Variants in HMCN1 observed in about 807,000 individuals in gnomAD.
HMCN1 encodes hemicentin-1.
A neutral mutation model predicts 625.9 loss-of-function variants in HMCN1; 321 were observed. The ratio of observed to expected loss-of-function variants is 0.51; its 90% CI spans 0.47 to 0.56. HMCN1 has a LOEUF of 0.56. Among genes scored for constraint, HMCN1 ranks in the 20% least tolerant of loss-of-function variants. The probability of loss-of-function intolerance (pLI) is 0.00; values close to 1 mark genes in which losing one functional copy is unlikely to be tolerated. For missense variants in HMCN1, 6,588 were observed against 6,887.3 expected, an observed-to-expected ratio of 0.96 and a Z score of 1.54; for synonymous variants, 2,425 against 2,417.6, an observed-to-expected ratio of 1.00 and a Z score of -0.09.
intron 1 of HMCN1, among the ~76,000 whole-genome samples, chr1:185,772,640 C>T (rs947137927): frequency 2.0e-5 from 3 of 152,116 alleles, no homozygotes; most frequent in Admixed American, 6.6e-5. Flanking sequence ...GTAGTGGTAA[C>T]TACTGATTGC....
chr1:185,770,835 C>T (rs907431715), intron 1 of HMCN1, among the ~76,000 whole-genome samples: 1 of 152,158 alleles, frequency 6.6e-6, no homozygotes, highest in Non-Finnish European at 1.5e-5. Context: ...CATTTAAGTG[C>T]AGGGCCTTAT....
intron 1 of HMCN1, among the ~76,000 whole-genome samples, chr1:185,795,077 G>C (rs1268816988): frequency 1.3e-5 from 2 of 152,178 alleles, no homozygotes; most frequent in Admixed American, 1.3e-4. Context: ...TTAAGAAGAA[G>C]TAAGAGTACC....
At chr1:185,784,403 C>G (rs1657404834) in intron 1 of HMCN1, among the ~76,000 whole-genome samples, 1 of 152,202 alleles carries the variant, frequency 6.6e-6, no homozygotes, top group Non-Finnish European at 1.5e-5. Context: ...AACCTGGTAC[C>G]TCCAGTTGGA....
At chr1:185,791,540 T>A (rs1657996397) in intron 1 of HMCN1, among the ~76,000 whole-genome samples, 1 of 151,790 alleles carries the variant, frequency 6.6e-6, no homozygotes, top group African/African-American at 2.4e-5. Context: ...ACCAACATGG[T>A]GAAATCCTGT....
At chr1:185,894,150 AAAAAC>A (rs1665332701) in intron 4 of HMCN1, among the ~76,000 whole-genome samples, 1 of 151,094 alleles carries the variant, frequency 6.6e-6, no homozygotes, top group African/African-American at 2.5e-5. Context: ...AAACAAAAAC[AAAAAC>A]AAAAAAAACA....
At position 186,153,952 on chromosome 1, in the gene HMCN1, C is replaced by A. The variant is rs751971934; in HGVS notation, c.15221C>A (p.Thr5074Lys). The change falls in exon 97 of 107, where the codon ACA becomes AAA. Residue 5074 changes from threonine (T) to lysine (K), a missense_variant. This residue lies in a region of HMCN1 where 1,954 missense variants were observed against 2,013.1 expected (regional missense o/e 0.97). Coordinates refer to ENST00000271588, the MANE Select transcript of HMCN1 (RefSeq NM_031935.3). ...VESDYNQIEE[T>K]LGFKIHASIS... ...TCTGACTATAACCAGATAGAAGAGA[C>A]ACTGGGTTTTAAAATTCATGCTTCA... is the stretch of plus-strand genomic sequence containing the variant. 1.2e-6 allele frequency: 2 copies of A among 1,613,770 alleles called. No homozygotes were observed. Among genetic ancestry groups the A allele is most frequent in the African/African-American group, 2.7e-5 (2 of 74,922 alleles).
chr1:185,771,096 C>T (rs769458337), intron 1 of HMCN1, among the ~76,000 whole-genome samples: 6 of 152,100 alleles, frequency 3.9e-5, no homozygotes, highest in East Asian at 3.8e-4. Context: ...TAGGATTTAG[C>T]GATGTGTTAT....
chr1:185,736,415 A>G (rs1455761489), intron 1 of HMCN1, among the ~76,000 whole-genome samples: 2 of 152,178 alleles, frequency 1.3e-5, no homozygotes, highest in African/African-American at 2.4e-5. Flanking sequence ...GTGATTTTCA[A>G]TGTATTAAAT....
At chr1:185,859,348 C>T (rs1662724076) in intron 2 of HMCN1, among the ~76,000 whole-genome samples, 1 of 152,034 alleles carries the variant, frequency 6.6e-6, no homozygotes, top group African/African-American at 2.4e-5. Flanking sequence ...ATAAGTCAAT[C>T]AAATGTATCA....
intron 44 of HMCN1, among the ~76,000 whole-genome samples, chr1:186,055,077 G>C (rs994980632): frequency 4.6e-5 from 7 of 151,934 alleles, no homozygotes; most frequent in African/African-American, 1.7e-4. Context: ...TAAGTATTAG[G>C]AAGACTTACG....
At position 186,123,038 on chromosome 1, in the gene HMCN1, C is replaced by T; in HGVS notation, c.12317C>T (p.Pro4106Leu). The T allele has an allele frequency of 6.2e-7, 1 of 1,614,082 alleles. No individual in the cohort carries two copies. The highest frequency in any genetic ancestry group is 8.5e-7 in the Non-Finnish European group (1 of 1,179,994). Residue 4106 changes from proline to leucine, a missense_variant, in exon 81 of 107, where the codon CCT (proline) becomes CTT (leucine). Around this residue, in one of 3 missense-constraint regions of HMCN1, gnomAD observed 1,954 missense variants for 2,013.1 expected, o/e 0.97. Coordinates refer to ENST00000271588, the MANE Select transcript of HMCN1 (RefSeq NM_031935.3). ...TTATCCTGTGAAGCAGATGGCCTCC[C>T]TCCGCCTGACATTACATGGCATAAA... ...ITLSCEADGL[P>L]PPDITWHKDG...
chr1:185,734,498 C>T lies in HMCN1; in HGVS notation c.-282C>T, dbSNP rs370830716. On this transcript the variant is annotated 5_prime_UTR_variant, in exon 1 of 107. Transcript: ENST00000271588. Reference sequence around the variant, plus strand: ...CCGGGGCATGGACCCGACGCGCCGCCCGCACTCCGCCACAGGCTGTCCAGG... The same window carrying T: ...CCGGGGCATGGACCCGACGCGCCGCTCGCACTCCGCCACAGGCTGTCCAGG... 296 of 397,026 alleles carry T rather than the reference C, an allele frequency of 7.5e-4. 1 individual carries two copies. The East Asian group carries it at 0.012, about 17-fold the overall frequency. 24.6% of individuals were successfully genotyped at this position (397,026 alleles called of 1,614,324 possible).
At chr1:186,063,073 T>TATATATATATATATATATAA (rs2102315568) in intron 48 of HMCN1, among the ~76,000 whole-genome samples, 1 of 86,888 alleles carries the variant, frequency 1.2e-5, no homozygotes, top group African/African-American at 4.9e-5. Context: ...TGTGCATATA[T>TATATATATATATATATATAA]ATATATATAT....
chr1:186,115,746 G>A (rs1661103533), intron 75 of HMCN1, among the ~76,000 whole-genome samples: 1 of 151,716 alleles, frequency 6.6e-6, no homozygotes, highest in African/African-American at 2.4e-5. Context: ...AAACTATTCT[G>A]TAAAAATAAA....
At chr1:185,990,173 A>G (rs1652323518) in intron 21 of HMCN1, 102 bp from the exon 22 acceptor site, 1 of 1,030,418 alleles carries the variant, frequency 9.7e-7, no homozygotes, top group African/African-American at 1.6e-5. Context: ...GCATCTTTTT[A>G]TAAATTACTT....
chr1:186,164,952 A>G (rs1651784724), intron 97 of HMCN1, among the ~76,000 whole-genome samples, 159 bp from the exon 98 acceptor site: 1 of 152,214 alleles, frequency 6.6e-6, no homozygotes, highest in Non-Finnish European at 1.5e-5. Context: ...TTGGTTTAGA[A>G]ACAGGAAAAG....
chr1:186,137,084 G>T, intron 87 of HMCN1, 147 bp downstream of exon 87: 2 of 986,866 alleles, frequency 2.0e-6, no homozygotes, highest in Non-Finnish European at 3.1e-6. Context: ...AAAATTTACA[G>T]ATTGAAGGGC....
At chr1:185,917,045 C>G (rs1666741727) in intron 6 of HMCN1, among the ~76,000 whole-genome samples, 1 of 152,150 alleles carries the variant, frequency 6.6e-6, no homozygotes, top group Non-Finnish European at 1.5e-5. Flanking sequence ...CTAGAGCTAG[C>G]TCATAATGAC....
At chr1:185,895,526 C>T (rs1161842521) in intron 4 of HMCN1, among the ~76,000 whole-genome samples, 1 of 152,130 alleles carries the variant, frequency 6.6e-6, no homozygotes, top group Non-Finnish European at 1.5e-5. Flanking sequence ...GAAGTTTGTA[C>T]AGAGTGTGTG....
Sources: allele counts gnomAD v4.1 joint callset (sites outside exome capture counted in the v4.1 genomes callset), GRCh38; gene constraint gnomAD v4.1.1; regional missense constraint gnomAD v4.1.1; transcripts MANE v1.5; gene names NCBI Gene and HGNC (gene_info 2026-07-23, HGNC 2026-07-21).